STXBP5L: variants seen among roughly 807,000 people sequenced by gnomAD.
The protein encoded by STXBP5L is syntaxin-binding protein 5-like.
In STXBP5L, 65 loss-of-function variants were observed where a neutral mutation model predicts 144.5. The ratio of observed to expected loss-of-function variants is 0.45; its 90% CI spans 0.37 to 0.55. The LOEUF is 0.55. Among genes scored for constraint, STXBP5L ranks in the 20% least tolerant of loss-of-function variants. The pLI, the probability that STXBP5L is intolerant of heterozygous loss-of-function variation, is 0.00. For missense variants in STXBP5L, 1,298 were observed against 1,405.5 expected (o/e 0.92, Z 1.22); for synonymous variants, 505 against 469.6 (o/e 1.08, Z -0.97).
Position 121,405,278 on chromosome 3 carries a change from C to G in STXBP5L, c.2588-1965C>G, listed in dbSNP as rs149457444. Among the ~76,000 whole-genome samples, 812 of 152,014 alleles carry G rather than the reference C, an allele frequency of 5.3e-3. 11 individuals carry two copies. The highest frequency in any genetic ancestry group is 0.019 in the African/African-American group (778 of 41,492). On this transcript the variant is annotated intron_variant, in intron 22 of 26. Transcript: ENST00000471454. ...ATAACACTATTTAAAATTTATCTACCTTTTTTCAAGAATTCCTATCTTCTT... is the reference window on the plus strand; with the variant it reads ...ATAACACTATTTAAAATTTATCTACGTTTTTTCAAGAATTCCTATCTTCTT...
intron 7 of STXBP5L, among the ~76,000 whole-genome samples, chr3:121,140,572 T>A (rs1348852327): frequency 6.6e-6 from 1 of 152,150 alleles, no homozygotes; most frequent in Non-Finnish European, 1.5e-5. Context: ...AATGATGAAA[T>A]CTTCTCATTC....
intron 10 of STXBP5L, among the ~76,000 whole-genome samples, chr3:121,215,643 T>A (rs9863505): frequency 1.3e-5 from 2 of 152,122 alleles, no homozygotes; most frequent in African/African-American, 2.4e-5. Context: ...CATTTTTTCC[T>A]TCATCTCAAC....
chr3:121,322,217 G>T (rs761692642), intron 20 of STXBP5L, among the ~76,000 whole-genome samples: 1 of 152,124 alleles, frequency 6.6e-6, no homozygotes, highest in Non-Finnish European at 1.5e-5. Flanking sequence ...CGTGGCTCAC[G>T]CCTGTAATCT....
chr3:121,123,545 C>A (rs1577014268), intron 7 of STXBP5L, among the ~76,000 whole-genome samples: 1 of 150,304 alleles, frequency 6.7e-6, no homozygotes. Flanking sequence ...TATATTTGTA[C>A]TTATATATTC....
At chr3:121,215,668 C>T (rs929788336) in intron 10 of STXBP5L, among the ~76,000 whole-genome samples, 2 of 152,064 alleles carry the variant, frequency 1.3e-5, no homozygotes, top group East Asian at 1.9e-4. Flanking sequence ...GTGAATCTGA[C>T]GATTATGTGT....
At chr3:121,172,854 C>T (rs764375653) in intron 9 of STXBP5L, among the ~76,000 whole-genome samples, 1 of 152,212 alleles carries the variant, frequency 6.6e-6, no homozygotes, top group Non-Finnish European at 1.5e-5. Context: ...GATTTTAAAT[C>T]ATTCTACTAT....
chr3:121,355,039 T>C (rs1576268603), intron 20 of STXBP5L, among the ~76,000 whole-genome samples: 1 of 152,198 alleles, frequency 6.6e-6, no homozygotes, highest in Non-Finnish European at 1.5e-5. Flanking sequence ...GCTTGTAGGG[T>C]TTCTGCCAAG....
At chr3:121,344,745 G>A (rs1052204440) in intron 20 of STXBP5L, among the ~76,000 whole-genome samples, 2 of 151,746 alleles carry the variant, frequency 1.3e-5, no homozygotes, top group African/African-American at 4.8e-5. Flanking sequence ...TGAATTTAGA[G>A]CAAAGAGAAG....
At chr3:121,290,614 T>C (rs2051402508) in intron 19 of STXBP5L, among the ~76,000 whole-genome samples, 1 of 151,982 alleles carries the variant, frequency 6.6e-6, no homozygotes, top group Non-Finnish European at 1.5e-5. Flanking sequence ...AAAAGAAGAC[T>C]ACAGACTGAT....
At chr3:121,374,341 G>A (rs1369378394) in intron 20 of STXBP5L, among the ~76,000 whole-genome samples, 1 of 152,084 alleles carries the variant, frequency 6.6e-6, no homozygotes, top group Non-Finnish European at 1.5e-5. Flanking sequence ...ATAAAATTGG[G>A]AAAAGTGACA....
At chr3:121,392,770 CATATATATATATATATATATATATAT>C (rs71133531) in intron 22 of STXBP5L, among the ~76,000 whole-genome samples, 4 of 112,386 alleles carry the variant, frequency 3.6e-5, no homozygotes, top group South Asian at 3.0e-4. Flanking sequence ...TATTTCATGG[CATATATATATATATATATATATATAT>C]ATATATATAT....
chr3:121,125,090 A>G (rs1273921555), intron 7 of STXBP5L, among the ~76,000 whole-genome samples: 3 of 152,302 alleles, frequency 2.0e-5, no homozygotes, highest in Non-Finnish European at 4.4e-5. Context: ...GGATAAATTC[A>G]ACTTGGAAGG....
chr3:121,089,295 A>G (rs964759144), intron 5 of STXBP5L, among the ~76,000 whole-genome samples: 13 of 151,798 alleles, frequency 8.6e-5, no homozygotes, highest in Non-Finnish European at 1.6e-4. Context: ...CTTTTAAAGA[A>G]AAAATTTTTA....
chr3:121,079,476 T>C (rs1274558260), intron 5 of STXBP5L, among the ~76,000 whole-genome samples: 4 of 152,204 alleles, frequency 2.6e-5, no homozygotes, highest in Non-Finnish European at 5.9e-5. Context: ...CCTTTTTAAC[T>C]TGAGTTTAAG....
rs369975965 is a variant in STXBP5L at position 120,991,643 on chromosome 3, G to A, written c.287+36606G>A. On this transcript the variant is annotated intron_variant, in intron 3 of 26. Transcript: ENST00000471454. ...TGGCACATATACACCATGGAATACT[G>A]TGCAGCCATAAAAAATGATGAGTTC... Among the ~76,000 whole-genome samples, 17 of 152,006 alleles carry A rather than the reference G, an allele frequency of 1.1e-4. 1 individual carries two copies. The highest frequency in any genetic ancestry group is 4.1e-4 in the South Asian group (2 of 4,822).
intron 10 of STXBP5L, among the ~76,000 whole-genome samples, chr3:121,215,088 A>G (rs1040259707): frequency 6.6e-6 from 1 of 151,464 alleles, no homozygotes; most frequent in African/African-American, 2.4e-5. Context: ...TTGTTAGCCT[A>G]TGTGTGTCTT....
At chr3:121,159,336 G>GTTA (rs922960512) in intron 9 of STXBP5L, among the ~76,000 whole-genome samples, 1 of 151,720 alleles carries the variant, frequency 6.6e-6, no homozygotes, top group Non-Finnish European at 1.5e-5. Context: ...TATTATTTGT[G>GTTA]TTATTATTAT....
intron 9 of STXBP5L, among the ~76,000 whole-genome samples, chr3:121,191,935 G>T (rs1471501572): frequency 6.6e-6 from 1 of 151,390 alleles, no homozygotes; most frequent in Admixed American, 6.6e-5. Context: ...ATCACACACA[G>T]GGGCCTGTTT....
rs192462339 is a variant in STXBP5L at position 121,139,987 on chromosome 3, A to G, written c.670-12490A>G. Among the ~76,000 whole-genome samples the G allele has an allele frequency of 4.1e-4, 63 of 152,212 alleles. 1 individual carries two copies. The East Asian group carries it at 8.7e-3, about 21-fold the overall frequency. The stretch of plus-strand genomic sequence containing the variant: ...CAAACAACCCAGTTGAAAAATGGAC[A>G]AAATAGACATGTATATGCACATGTG... On this transcript the variant is annotated intron_variant, in intron 7 of 26. Transcript: ENST00000471454.
Sources: gnomAD v4.1 joint callset for allele counts (sites outside exome capture counted in the v4.1 genomes callset) on GRCh38, gnomAD v4.1.1 for gene constraint, MANE v1.5 for transcripts, NCBI Gene and HGNC (gene_info 2026-07-23, HGNC 2026-07-21) for gene names.